The following CTRC variants were observed in gnomAD, a reference collection of about 807,000 sequenced individuals.
CTRC encodes chymotrypsin-C.
Under a neutral mutation model 35.7 loss-of-function variants are expected in CTRC, and 32 were observed. The ratio of observed to expected loss-of-function variants is 0.90; its 90% CI spans 0.68 to 1.20. The LOEUF is 1.20. CTRC is among the 50% of genes most tolerant of loss of function. The probability of loss-of-function intolerance (pLI) is 0.00; values close to 1 mark genes in which losing one functional copy is unlikely to be tolerated. For synonymous variants in CTRC, 119 were observed against 149.5 expected (o/e 0.80, Z 1.49); for missense variants, 324 against 361.5 (o/e 0.90, Z 0.84).
In CTRC at chr1:15,440,517, G is replaced by T; in HGVS notation, c.157G>T (p.Asp53Tyr). 6.2e-7 allele frequency: 1 copy of T among 1,614,124 alleles called. No homozygotes were observed. Among genetic ancestry groups the T allele is most frequent in the Non-Finnish European group, 8.5e-7 (1 of 1,180,022 alleles). Reference protein sequence around the residue: ...WQISLQYLKNDTWRHTCGGTL... With the variant: ...WQISLQYLKNYTWRHTCGGTL... The stretch of plus-strand genomic sequence containing the variant: ...GATCTCCCTCCAGTACCTCAAGAAC[G>T]ACACGTGGAGGCATACGTGTGGCGG... The change falls in exon 3 of 8, where the codon GAC (aspartate) becomes TAC (tyrosine). Residue 53 changes from aspartate to tyrosine, a missense_variant. Transcript: ENST00000375949.
intron 3 of CTRC, among the ~76,000 whole-genome samples, chr1:15,441,892 C>A (rs1169060263): frequency 1.3e-5 from 2 of 151,900 alleles, no homozygotes; most frequent in Non-Finnish European, 2.9e-5. Context: ...AACTTAGAAG[C>A]CCAAACCTCA....
In CTRC at chr1:15,446,896, T is replaced by G. The variant is rs1570788023; in HGVS notation, c.*307T>G. The G allele has an allele frequency of 1.9e-6, 1 of 518,946 alleles. No homozygotes were observed. Among genetic ancestry groups the G allele is most frequent in the Non-Finnish European group, 3.5e-6 (1 of 286,670 alleles). The allele number at this position is 518,946 out of a possible 1,614,324, so 32.1% of individuals were successfully genotyped here. A position where few individuals can be genotyped will look rare whatever the true frequency, so the allele number is the denominator to read the frequency against. The stretch of plus-strand genomic sequence containing the variant: ...TGCGTGAAGCCGGAGGGGATGGGAG[T>G]GAAGGACGCATCAGACACCTTCCCC... On this transcript the variant is annotated 3_prime_UTR_variant, in exon 8 of 8. Transcript: ENST00000375949.
chr1:15,445,850 T>G (rs1708210747), intron 7 of CTRC, 101 bp downstream of exon 7: 1 of 1,382,832 alleles, frequency 7.2e-7, no homozygotes, highest in South Asian at 1.2e-5. Context: ...ATTCATTCAT[T>G]CATTTATTCA....
rs536666832 is a variant in CTRC at position 15,447,456 on chromosome 1, T to A, written c.*867T>A. Reference sequence around the variant, plus strand: ...CAATGCCTGATCCAGGAGAAGAGAGTTCTCCTGAGGCTGACAAGAGGCCAA... The same window carrying A: ...CAATGCCTGATCCAGGAGAAGAGAGATCTCCTGAGGCTGACAAGAGGCCAA... On this transcript the variant is annotated 3_prime_UTR_variant, in exon 8 of 8. Transcript: ENST00000375949. 1.6e-4 allele frequency: 25 copies of A among 152,230 alleles called. No individual in the cohort carries two copies. The highest frequency in any genetic ancestry group is 6.1e-4 in the African/African-American group (25 of 41,320). The allele number at this position is 152,230 out of a possible 1,614,324, so 9.4% of individuals were successfully genotyped here. A position where few individuals can be genotyped will look rare whatever the true frequency, so the allele number is the denominator to read the frequency against.
At chr1:15,441,943 T>C (rs974795275) in intron 3 of CTRC, among the ~76,000 whole-genome samples, 1 of 152,148 alleles carries the variant, frequency 6.6e-6, no homozygotes, top group Non-Finnish European at 1.5e-5. Flanking sequence ...GGATTTGCCA[T>C]GTGGCTCAGG....
In CTRC at chr1:15,438,582, G is replaced by A. The variant is rs374402898; in HGVS notation, c.40+78G>A. The stretch of plus-strand genomic sequence containing the variant: ...CCAGGGCAAGGACGGGATGGGGAGT[G>A]GGGGGGCCTCTGCTCTCCAGGTAAG... On this transcript the variant is annotated intron_variant, in intron 1 of 7. Coordinates refer to ENST00000375949, the MANE Select transcript of CTRC (RefSeq NM_007272.3). 1.3e-5 allele frequency: 19 copies of A among 1,514,722 alleles called. No individual in the cohort carries two copies. In the Middle Eastern group the frequency reaches 5.1e-4, roughly 41 times the overall value. 93.8% of individuals were successfully genotyped at this position (1,514,722 alleles called of 1,614,324 possible). A position where few individuals can be genotyped will look rare whatever the true frequency, so the allele number is the denominator to read the frequency against.
Position 15,445,691 on chromosome 1 carries a change from C to A in CTRC, c.734C>A (p.Thr245Asn). The change falls in exon 7 of 8, where the codon ACC (threonine) becomes AAC (asparagine). Residue 245 changes from threonine (T) to asparagine (N), a missense_variant. Physicochemically the swap from Thr to Asn is moderately conservative, Grantham distance 65. Coordinates refer to ENST00000375949, the MANE Select transcript of CTRC (RefSeq NM_007272.3). ...TTTGGCTCCCGGCGGGGCTGCAACA[C>A]CCGCAAGAAGCCGGTAGTCTACACC... ...VSFGSRRGCNTRKKPVVYTRV... is the reference protein window; with the variant it reads ...VSFGSRRGCNNRKKPVVYTRV... 6.2e-7 allele frequency: 1 copy of A among 1,613,948 alleles called. No individual in the cohort carries two copies. Among genetic ancestry groups the A allele is most frequent in the Middle Eastern group, 1.6e-4 (1 of 6,062 alleles).
chr1:15,446,637 T>G lies in CTRC; in HGVS notation c.*48T>G. 6.2e-7 allele frequency: 1 copy of G among 1,610,844 alleles called. No individual in the cohort carries two copies. The highest frequency in any genetic ancestry group is 1.1e-5 in the South Asian group (1 of 91,010). On this transcript the variant is annotated 3_prime_UTR_variant, in exon 8 of 8. Coordinates refer to ENST00000375949, the MANE Select transcript of CTRC (RefSeq NM_007272.3). ...GCGAGTCCCTGCAACAGCAATAAACTTCCTTCTCCTCGGGCCACCTGGATC... is the reference window on the plus strand; with the variant it reads ...GCGAGTCCCTGCAACAGCAATAAACGTCCTTCTCCTCGGGCCACCTGGATC...
intron 5 of CTRC, 48 bp from the exon 6 acceptor site, chr1:15,444,558 A>G: frequency 6.2e-7 from 1 of 1,612,480 alleles, no homozygotes; most frequent in Non-Finnish European, 8.5e-7. Flanking sequence ...GAGGGGCTGG[A>G]CTGGGCTTCC....
intron 4 of CTRC, 112 bp downstream of exon 4, chr1:15,442,684 C>G (rs1708154465): frequency 6.8e-7 from 1 of 1,462,606 alleles, no homozygotes; most frequent in Non-Finnish European, 9.5e-7. Context: ...CCATCCTCAC[C>G]CTGGAAAGCC....
In CTRC at chr1:15,448,900, T is replaced by C. The variant is rs760520913; in HGVS notation, c.*2311T>C. ...GTTAGGGAGCTAATTAAAATGTTAA[T>C]TAATATTACAATGTTATTTAAGCAA... On this transcript the variant is annotated 3_prime_UTR_variant, in exon 8 of 8. Transcript: ENST00000375949. 2 of 152,228 alleles carry C rather than the reference T, an allele frequency of 1.3e-5. No homozygotes were observed. The highest frequency in any genetic ancestry group is 2.4e-5 in the African/African-American group (1 of 41,458). The allele number at this position is 152,228 out of a possible 1,614,324, so 9.4% of individuals were successfully genotyped here.
At chr1:15,438,543 G>A (rs1417759309) in intron 1 of CTRC, 39 bp downstream of exon 1, 3 of 1,612,604 alleles carry the variant, frequency 1.9e-6, no homozygotes, top group East Asian at 2.2e-5. Flanking sequence ...CAGGCTGTGA[G>A]CTCGGGCTGG....
chr1:15,445,805 C>T, intron 7 of CTRC, 56 bp downstream of exon 7: 1 of 1,593,828 alleles, frequency 6.3e-7, no homozygotes, highest in Non-Finnish European at 8.6e-7. Context: ...CCCTCACTCA[C>T]CCATCCCCTC....
rs1032389230 is a variant in CTRC, at chr1:15,447,579, A to G, written c.*990A>G. The G allele has an allele frequency of 6.6e-6, 1 of 152,328 alleles. No homozygotes were observed. The highest frequency in any genetic ancestry group is 1.9e-4 in the East Asian group (1 of 5,174). The allele number at this position is 152,328 out of a possible 1,614,324, so 9.4% of individuals were successfully genotyped here. A position where few individuals can be genotyped will look rare whatever the true frequency, so the allele number is the denominator to read the frequency against. Reference sequence around the variant, plus strand: ...GGCAGCCAGAGATGAGAGAGATCCAATGTCCAGGGAGGGACATGCCAGGGG... The same window carrying G: ...GGCAGCCAGAGATGAGAGAGATCCAGTGTCCAGGGAGGGACATGCCAGGGG... On this transcript the variant is annotated 3_prime_UTR_variant, in exon 8 of 8. Coordinates refer to ENST00000375949, the MANE Select transcript of CTRC (RefSeq NM_007272.3).
intron 7 of CTRC, 101 bp downstream of exon 7, chr1:15,445,850 T>C: frequency 1.4e-6 from 2 of 1,382,832 alleles, no homozygotes; most frequent in Non-Finnish European, 2.0e-6. Context: ...ATTCATTCAT[T>C]CATTTATTCA....
intron 1 of CTRC, 67 bp from the exon 2 acceptor site, chr1:15,440,233 C>T (rs923048644): frequency 1.5e-6 from 1 of 671,382 alleles, no homozygotes; most frequent in Non-Finnish European, 2.8e-6. Flanking sequence ...CCTGCCCACC[C>T]TCCCACCCCT....
intron 7 of CTRC, among the ~76,000 whole-genome samples, chr1:15,446,314 T>C (rs1708221068): frequency 1.3e-5 from 2 of 152,238 alleles, no homozygotes; most frequent in Admixed American, 1.3e-4. Context: ...GATGGCCATT[T>C]CTCATCTTGA....
chr1:15,439,287 G>C (rs111816046), intron 1 of CTRC, among the ~76,000 whole-genome samples: 1 of 151,910 alleles, frequency 6.6e-6, no homozygotes, highest in Non-Finnish European at 1.5e-5. Flanking sequence ...TTAGCCAGGC[G>C]TGGTGGCGGG....
intron 1 of CTRC, among the ~76,000 whole-genome samples, chr1:15,439,592 C>G (rs1708094266): frequency 6.6e-6 from 1 of 152,168 alleles, no homozygotes; most frequent in Non-Finnish European, 1.5e-5. Flanking sequence ...CGCGGAACAG[C>G]ACGTGTTCTT....
Sources: allele counts gnomAD v4.1 joint callset (sites outside exome capture counted in the v4.1 genomes callset), GRCh38; gene constraint gnomAD v4.1.1; transcripts MANE v1.5; gene names NCBI Gene and HGNC (gene_info 2026-07-23, HGNC 2026-07-21).